The following RANBP17 variants were observed in gnomAD, a reference collection of about 807,000 sequenced individuals.
RANBP17 encodes the protein ran-binding protein 17.
A neutral mutation model predicts 141.2 loss-of-function variants in RANBP17; 158 were observed. The observed-to-expected ratio is 1.12, with a 90% CI of 0.98 to 1.28. The LOEUF (loss-of-function observed/expected upper bound fraction) is 1.28. RANBP17 is among the 50% of genes most tolerant of loss of function. The pLI is 0.00. For synonymous variants in RANBP17, 430 were observed against 450.0 expected (o/e 0.96, Z 0.56); for missense variants, 1,438 against 1,290.7 (o/e 1.11, Z -1.75).
At chr5:171,215,626 G>C (rs545668927) in intron 21 of RANBP17, among the ~76,000 whole-genome samples, 1 of 152,192 alleles carries the variant, frequency 6.6e-6, no homozygotes, top group Non-Finnish European at 1.5e-5. Context: ...TCTCATTGTG[G>C]TTTTGATTTG....
chr5:170,912,006 C>G (rs999471348), intron 7 of RANBP17, among the ~76,000 whole-genome samples: 2 of 151,876 alleles, frequency 1.3e-5, no homozygotes, highest in African/African-American at 4.8e-5. Context: ...TCTACCTGTG[C>G]TACTTCTTTA....
Position 171,112,157 on chromosome 5 carries a change from G to T in RANBP17, c.1711-57973G>T, listed in dbSNP as rs1029944376. Among the ~76,000 whole-genome samples the T allele has an allele frequency of 2.0e-5, 3 of 152,150 alleles. No homozygotes were observed. The South Asian group carries it at 6.2e-4, about 32-fold the overall frequency. On this transcript the variant is annotated intron_variant, in intron 14 of 27. Transcript: ENST00000523189. The stretch of plus-strand genomic sequence containing the variant: ...CTTCTGTTCATGATTGTGAGCCATG[G>T]TGGATACATGGAGTCAGAAGAGTTA...
At chr5:170,942,143 A>G (rs1381462978) in intron 12 of RANBP17, among the ~76,000 whole-genome samples, 1 of 152,130 alleles carries the variant, frequency 6.6e-6, no homozygotes, top group Middle Eastern at 3.2e-3. Flanking sequence ...CCTTTTGAGA[A>G]TCTAATGTGT....
intron 20 of RANBP17, among the ~76,000 whole-genome samples, chr5:171,209,416 T>G (rs1762751378): frequency 6.6e-6 from 1 of 152,172 alleles, no homozygotes; most frequent in Non-Finnish European, 1.5e-5. Flanking sequence ...AAGAAGAAAG[T>G]AATTGGCAGT....
intron 14 of RANBP17, among the ~76,000 whole-genome samples, chr5:171,148,265 T>G (rs7735753): frequency 0.067 from 10,252 of 152,012 alleles, 454 homozygotes; most frequent in African/African-American, 0.12. Context: ...AGGCCGCAGG[T>G]TCCTCTGCCT....
intron 7 of RANBP17, 192 bp downstream of exon 7, chr5:170,911,326 T>C: frequency 1.7e-6 from 1 of 596,356 alleles, no homozygotes; most frequent in Non-Finnish European, 2.9e-6. Flanking sequence ...ACTTCTATAT[T>C]TTGATTTAGG....
intron 14 of RANBP17, among the ~76,000 whole-genome samples, chr5:170,987,789 C>T (rs1046381389): frequency 9.2e-5 from 14 of 151,382 alleles, no homozygotes; most frequent in Non-Finnish European, 1.9e-4. Flanking sequence ...AAGCACTAGA[C>T]GAGGATGTTT....
intron 14 of RANBP17, among the ~76,000 whole-genome samples, chr5:170,976,150 G>T (rs1581287025): frequency 1.3e-5 from 2 of 152,222 alleles, no homozygotes; most frequent in East Asian, 1.9e-4. Flanking sequence ...CAGTAAGTTT[G>T]CAGGATTATA....
At chr5:170,936,763 ATTTCT>A (rs1404956827) in intron 12 of RANBP17, among the ~76,000 whole-genome samples, 3 of 152,044 alleles carry the variant, frequency 2.0e-5, no homozygotes, top group Non-Finnish European at 2.9e-5. Flanking sequence ...GTCTTTATTG[ATTTCT>A]TTTGTCTGTG....
At chr5:171,001,660 G>T (rs968380073) in intron 14 of RANBP17, among the ~76,000 whole-genome samples, 1 of 152,138 alleles carries the variant, frequency 6.6e-6, no homozygotes, top group Admixed American at 6.5e-5. Flanking sequence ...GGTGAGGTGT[G>T]TCTTTAAAAG....
At chr5:170,908,057 T>G (rs1461083344) in intron 5 of RANBP17, among the ~76,000 whole-genome samples, 3 of 151,974 alleles carry the variant, frequency 2.0e-5, no homozygotes, top group Non-Finnish European at 4.4e-5. Context: ...AAAAGGGAAC[T>G]CTTATATACG....
At chr5:171,186,905 T>C (rs78920269) in intron 18 of RANBP17, among the ~76,000 whole-genome samples, 1 of 152,118 alleles carries the variant, frequency 6.6e-6, no homozygotes, top group Admixed American at 6.5e-5. Context: ...TTTAATCGCT[T>C]TAATTTTCTT....
intron 14 of RANBP17, among the ~76,000 whole-genome samples, chr5:171,028,164 A>G (rs1435653141): frequency 6.6e-6 from 1 of 152,096 alleles, no homozygotes; most frequent in Non-Finnish European, 1.5e-5. Context: ...ATAAAAAATT[A>G]ATAGTGTTGA....
intron 24 of RANBP17, among the ~76,000 whole-genome samples, chr5:171,254,355 G>T (rs549477114): frequency 6.6e-6 from 1 of 152,070 alleles, no homozygotes; most frequent in Non-Finnish European, 1.5e-5. Context: ...GTTCCAAGTT[G>T]AGGTCATGCT....
chr5:171,091,784 A>G (rs532165728), intron 14 of RANBP17, among the ~76,000 whole-genome samples: 56 of 152,320 alleles, frequency 3.7e-4, no homozygotes, highest in African/African-American at 1.3e-3. Flanking sequence ...GCCTGCTACC[A>G]TGTGAGGCTT....
chr5:170,919,456 C>T lies in RANBP17; in HGVS notation c.1117C>T (p.Pro373Ser). ...TTCTTTGTAGCACTGGGAATTTGCTCCTAACAGTGTTCATTATTTATTAAC... is the reference window on the plus strand; with the variant it reads ...TTCTTTGTAGCACTGGGAATTTGCTTCTAACAGTGTTCATTATTTATTAAC... ...ITSLQHWEFA[P>S]NSVHYLLTLW... Residue 373 changes from proline to serine, a missense_variant, in exon 11 of 28, where the codon CCT becomes TCT. Coordinates refer to ENST00000523189, the MANE Select transcript of RANBP17 (RefSeq NM_022897.5). The T allele has an allele frequency of 6.3e-7, 1 of 1,592,118 alleles. No individual in the cohort carries two copies. The highest frequency in any genetic ancestry group is 8.5e-7 in the Non-Finnish European group (1 of 1,172,256).
intron 24 of RANBP17, among the ~76,000 whole-genome samples, chr5:171,251,698 G>C (rs1015156059): frequency 6.6e-6 from 1 of 152,128 alleles, no homozygotes; most frequent in African/African-American, 2.4e-5. Context: ...CAGTGTGTGG[G>C]TCCGTGGCGG....
chr5:170,878,725 T>TG (rs1008249847), intron 2 of RANBP17, among the ~76,000 whole-genome samples: 4 of 152,196 alleles, frequency 2.6e-5, no homozygotes, highest in African/African-American at 9.6e-5. Flanking sequence ...ACTGCTTACT[T>TG]GATTTATGTA....
chr5:171,199,705 C>T lies in RANBP17; in HGVS notation c.2074C>T (p.Pro692Ser). 6.2e-7 allele frequency: 1 copy of T among 1,610,684 alleles called. No homozygotes were observed. The highest frequency in any genetic ancestry group is 8.5e-7 in the Non-Finnish European group (1 of 1,177,966). ...DEDEFENFML[P>S]LTVAFETVLQ... ...GGATGAATTTGAGAATTTCATGCTG[C>T]CTCTTACAGTTGCTTTTGAAACAGT... The change falls in exon 19 of 28, where the codon CCT (proline) becomes TCT (serine). Residue 692 changes from proline to serine, a missense_variant. Transcript: ENST00000523189.
Sources: gnomAD v4.1 joint callset for allele counts (sites outside exome capture counted in the v4.1 genomes callset) on GRCh38, gnomAD v4.1.1 for gene constraint, MANE v1.5 for transcripts, NCBI Gene and HGNC (gene_info 2026-07-23, HGNC 2026-07-21) for gene names.